SLC24A3: variants seen among roughly 807,000 people sequenced by gnomAD.
SLC24A3 encodes the protein sodium/potassium/calcium exchanger 3.
SLC24A3 carries 28 observed loss-of-function variants against 75.8 expected under a neutral mutation model. The ratio of observed to expected loss-of-function variants is 0.37; its 90% CI spans 0.27 to 0.51. The LOEUF (loss-of-function observed/expected upper bound fraction) is 0.51, where lower values mean the gene tolerates loss of function less well. Ranked by LOEUF, SLC24A3 falls within the 20% of genes least tolerant of loss-of-function variation. The pLI, the probability that SLC24A3 is intolerant of heterozygous loss-of-function variation, is 0.94. For synonymous variants in SLC24A3, 372 were observed against 334.1 expected, an observed-to-expected ratio of 1.11 and a Z score of -1.24; for missense variants, 663 against 847.8, an observed-to-expected ratio of 0.78 and a Z score of 2.71.
At chr20:19,518,300 G>A (rs562565609) in intron 3 of SLC24A3, among the ~76,000 whole-genome samples, 1 of 152,320 alleles carries the variant, frequency 6.6e-6, no homozygotes, top group Admixed American at 6.5e-5. Context: ...GTAGTGCTGG[G>A]CTGAGTCCTT....
At chr20:19,303,991 C>T (rs569582496) in intron 2 of SLC24A3, among the ~76,000 whole-genome samples, 37 of 152,290 alleles carry the variant, frequency 2.4e-4, no homozygotes, top group Non-Finnish European at 3.8e-4. Context: ...CATGGGTGAC[C>T]TTATCTCCTA....
At chr20:19,317,209 T>TA (rs1260051458) in intron 2 of SLC24A3, among the ~76,000 whole-genome samples, 8 of 152,044 alleles carry the variant, frequency 5.3e-5, no homozygotes, top group Non-Finnish European at 1.2e-4. Context: ...CCCAAAACTA[T>TA]AAAAACCCTA....
chr20:19,718,614 C>G (rs1004205386), intron 16 of SLC24A3, among the ~76,000 whole-genome samples: 1 of 152,172 alleles, frequency 6.6e-6, no homozygotes, highest in African/African-American at 2.4e-5. Context: ...ACAATCATAG[C>G]TACGGTGCAT....
chr20:19,697,062 AGAAG>A (rs1022260913), intron 14 of SLC24A3, 151 bp downstream of exon 14: 12 of 635,536 alleles, frequency 1.9e-5, no homozygotes, highest in African/African-American at 1.5e-4. Context: ...AGTGAAGGAA[AGAAG>A]GAAGGAAGGG....
At chr20:19,402,623 G>A (rs1006061730) in intron 2 of SLC24A3, among the ~76,000 whole-genome samples, 1 of 152,216 alleles carries the variant, frequency 6.6e-6, no homozygotes, top group Non-Finnish European at 1.5e-5. Flanking sequence ...AATCTATTGG[G>A]CAGAAGGAAA....
chr20:19,259,792 C>T (rs77760274), intron 1 of SLC24A3, among the ~76,000 whole-genome samples: 1,780 of 152,296 alleles, frequency 0.012, 29 homozygotes, highest in African/African-American at 0.039. Context: ...AGATACCCAC[C>T]ACCAGGATTT....
chr20:19,523,545 A>T (rs1394865217), intron 3 of SLC24A3, among the ~76,000 whole-genome samples: 1 of 152,182 alleles, frequency 6.6e-6, no homozygotes, highest in Non-Finnish European at 1.5e-5. Flanking sequence ...TCCAGGTCTA[A>T]TCATTCAGCC....
At chr20:19,651,402 T>TAC (rs1427796429) in intron 6 of SLC24A3, among the ~76,000 whole-genome samples, 1 of 107,930 alleles carries the variant, frequency 9.3e-6, no homozygotes, top group East Asian at 2.5e-4. Context: ...TATACACACA[T>TAC]ATATATATAT....
intron 2 of SLC24A3, among the ~76,000 whole-genome samples, chr20:19,401,848 T>C (rs1329193451): frequency 6.6e-6 from 1 of 152,248 alleles, no homozygotes; most frequent in African/African-American, 2.4e-5. Flanking sequence ...TGCTTTACAC[T>C]GCTTCCTGGA....
chr20:19,693,488 G>C (rs1234689413), intron 13 of SLC24A3, 63 bp downstream of exon 13: 14 of 1,578,176 alleles, frequency 8.9e-6, no homozygotes, highest in Non-Finnish European at 1.2e-5. Context: ...AAGGGAATAA[G>C]AGTCAGGGTT....
Position 19,525,389 on chromosome 20 carries a change from C to A in SLC24A3, c.348+9825C>A, listed in dbSNP as rs893811629. On this transcript the variant is annotated intron_variant, in intron 3 of 16. Coordinates refer to ENST00000328041, the MANE Select transcript of SLC24A3 (RefSeq NM_020689.4). ...CAGGGCAGAGACTTTGGATGATGGTCCCAGGAAGTCCACTATGGGGAGTGA... is the reference window on the plus strand; with the variant it reads ...CAGGGCAGAGACTTTGGATGATGGTACCAGGAAGTCCACTATGGGGAGTGA... Among the ~76,000 whole-genome samples the A allele has an allele frequency of 2.6e-5, 4 of 152,224 alleles. 1 individual carries two copies. In the South Asian group the frequency reaches 8.3e-4, roughly 32 times the overall value.
chr20:19,550,913 G>A (rs77098419), intron 3 of SLC24A3, among the ~76,000 whole-genome samples: 7,494 of 152,268 alleles, frequency 0.049, 392 homozygotes, highest in African/African-American at 0.13. Flanking sequence ...TTAGACCCAA[G>A]TGGGCAGTGA....
At chr20:19,245,175 T>A (rs529740466) in intron 1 of SLC24A3, among the ~76,000 whole-genome samples, 172 of 152,272 alleles carry the variant, frequency 1.1e-3, no homozygotes, top group Middle Eastern at 3.4e-3. Context: ...ATCGTGGACC[T>A]GCCCCAAGTG....
chr20:19,579,934 C>A, intron 3 of SLC24A3, 66 bp from the exon 4 acceptor site: 1 of 1,214,024 alleles, frequency 8.2e-7, no homozygotes, highest in Non-Finnish European at 1.2e-6. Flanking sequence ...CAGAAGGTGG[C>A]TGGACGTTCA....
intron 2 of SLC24A3, among the ~76,000 whole-genome samples, chr20:19,511,175 G>A (rs1464465782): frequency 1.3e-5 from 2 of 152,020 alleles, no homozygotes; most frequent in East Asian, 1.9e-4. Flanking sequence ...CCCTGCTCCC[G>A]ATGCTTCCTG....
intron 2 of SLC24A3, among the ~76,000 whole-genome samples, chr20:19,397,164 C>G (rs1986468736): frequency 6.6e-6 from 1 of 152,204 alleles, no homozygotes; most frequent in Non-Finnish European, 1.5e-5. Flanking sequence ...ATATCATACC[C>G]ACTTTTCAAA....
intron 2 of SLC24A3, among the ~76,000 whole-genome samples, chr20:19,391,406 A>G (rs1226127326): frequency 1.3e-5 from 2 of 152,152 alleles, no homozygotes; most frequent in Admixed American, 1.3e-4. Flanking sequence ...GTCTGAGGGT[A>G]GGCTTTTCAG....
chr20:19,317,438 G>T (rs1344424732), intron 2 of SLC24A3, among the ~76,000 whole-genome samples: 1 of 152,136 alleles, frequency 6.6e-6, no homozygotes, highest in African/African-American at 2.4e-5. Flanking sequence ...ACTCTGCTCT[G>T]CAAGATGACT....
intron 6 of SLC24A3, among the ~76,000 whole-genome samples, chr20:19,652,623 A>T (rs2032220468): frequency 1.3e-5 from 2 of 152,262 alleles, no homozygotes; most frequent in Non-Finnish European, 2.9e-5. Context: ...AGCAACAGGA[A>T]ATAACTAAGT....
Sources: gnomAD v4.1 joint callset for allele counts (sites outside exome capture counted in the v4.1 genomes callset) on GRCh38, gnomAD v4.1.1 for gene constraint, MANE v1.5 for transcripts, NCBI Gene and HGNC (gene_info 2026-07-23, HGNC 2026-07-21) for gene names.